IMMP2L: variants seen among roughly 807,000 people sequenced by gnomAD.
The protein encoded by IMMP2L is mitochondrial inner membrane protease subunit 2.
In IMMP2L, 18 loss-of-function variants were observed where a neutral mutation model predicts 19.3. That is an observed-to-expected ratio of 0.93 (90% confidence interval 0.64 to 1.38). The LOEUF is 1.38. Ranked by LOEUF, IMMP2L falls within the 40% of genes most tolerant of loss-of-function variation. The pLI, the probability that IMMP2L is intolerant of heterozygous loss-of-function variation, is 0.00. For missense variants in IMMP2L, 233 were observed against 218.2 expected (o/e 1.07, Z -0.43); for synonymous variants, 76 against 73.0 (o/e 1.04, Z -0.21).
chr7:111,021,290 A>C (rs1236366397), intron 3 of IMMP2L, among the ~76,000 whole-genome samples: 2 of 152,196 alleles, frequency 1.3e-5, no homozygotes, highest in Non-Finnish European at 2.9e-5. Context: ...TCTATTTAGC[A>C]AATATTTATT....
rs1226597975 is a variant in IMMP2L at position 111,226,151 on chromosome 7, T to C, written c.239+261087A>G. 2.0e-5 allele frequency among the ~76,000 whole-genome samples: 3 copies of C among 152,012 alleles called. No individual in the cohort carries two copies. In the East Asian group the frequency reaches 5.8e-4, roughly 29 times the overall value. Reference sequence around the variant, plus strand: ...CTGTCACTCCCTAATTGATTACTCCTTTTTTTGTTTTGTTTTGTTTTCTGA... The same window carrying C: ...CTGTCACTCCCTAATTGATTACTCCCTTTTTTGTTTTGTTTTGTTTTCTGA... On this transcript the variant is annotated intron_variant, in intron 3 of 5. Coordinates refer to ENST00000405709, the MANE Select transcript of IMMP2L (RefSeq NM_032549.4).
chr7:111,304,177 A>C (rs959697536), intron 3 of IMMP2L, among the ~76,000 whole-genome samples: 4 of 152,096 alleles, frequency 2.6e-5, no homozygotes, highest in African/African-American at 9.7e-5. Flanking sequence ...ATTATCATGA[A>C]TTAAACTAAT....
At chr7:111,290,348 G>A (rs2129640377) in intron 3 of IMMP2L, among the ~76,000 whole-genome samples, 1 of 152,174 alleles carries the variant, frequency 6.6e-6, no homozygotes, top group East Asian at 1.9e-4. Flanking sequence ...GAAAAATTAG[G>A]AGAAATATTC....
intron 5 of IMMP2L, among the ~76,000 whole-genome samples, chr7:110,786,597 A>C (rs1485276499): frequency 6.6e-6 from 1 of 152,152 alleles, no homozygotes; most frequent in African/African-American, 2.4e-5. Flanking sequence ...TAAACCTAAC[A>C]CTAAGTATGA....
intron 2 of IMMP2L, among the ~76,000 whole-genome samples, chr7:111,492,080 A>G (rs1411026189): frequency 6.6e-6 from 1 of 152,036 alleles, no homozygotes; most frequent in African/African-American, 2.4e-5. Context: ...TTAAATATGC[A>G]TTATAATCAC....
At chr7:111,319,555 T>C (rs1311451953) in intron 3 of IMMP2L, among the ~76,000 whole-genome samples, 1 of 152,098 alleles carries the variant, frequency 6.6e-6, no homozygotes, top group Non-Finnish European at 1.5e-5. Context: ...ATTTTCATCA[T>C]TCAAAATTTT....
intron 5 of IMMP2L, among the ~76,000 whole-genome samples, chr7:110,742,301 T>C (rs1797036659): frequency 6.6e-6 from 1 of 152,158 alleles, no homozygotes; most frequent in African/African-American, 2.4e-5. Flanking sequence ...AAAATGTTTA[T>C]ATATCGTAAG....
intron 5 of IMMP2L, among the ~76,000 whole-genome samples, chr7:110,684,964 G>T (rs906425714): frequency 2.6e-5 from 4 of 151,894 alleles, no homozygotes; most frequent in African/African-American, 9.7e-5. Flanking sequence ...TCCTTCAAGT[G>T]ATTTTTAATT....
chr7:111,357,869 TG>T, intron 3 of IMMP2L, among the ~76,000 whole-genome samples: 1 of 152,046 alleles, frequency 6.6e-6, no homozygotes, highest in South Asian at 2.1e-4. Context: ...GCATGGAAAC[TG>T]AAAGTAACCC....
chr7:110,849,395 G>A (rs1464308508), intron 5 of IMMP2L, among the ~76,000 whole-genome samples: 2 of 151,954 alleles, frequency 1.3e-5, no homozygotes, highest in Non-Finnish European at 2.9e-5. Context: ...GAAATCAAAA[G>A]TCAAATTACA....
At chr7:111,057,169 C>T (rs1793590627) in intron 3 of IMMP2L, among the ~76,000 whole-genome samples, 1 of 152,186 alleles carries the variant, frequency 6.6e-6, no homozygotes, top group African/African-American at 2.4e-5. Flanking sequence ...CATACTCTCT[C>T]CTTCTCTGCA....
intron 3 of IMMP2L, among the ~76,000 whole-genome samples, chr7:111,397,228 G>A (rs926279750): frequency 6.6e-6 from 1 of 151,922 alleles, no homozygotes; most frequent in Non-Finnish European, 1.5e-5. Flanking sequence ...TGGAATTATA[G>A]TATACATCAT....
intron 5 of IMMP2L, among the ~76,000 whole-genome samples, chr7:110,765,393 G>C (rs1181897488): frequency 6.6e-6 from 1 of 152,122 alleles, no homozygotes. Flanking sequence ...TGCAAAAATT[G>C]TGGCTGGGCT....
intron 5 of IMMP2L, among the ~76,000 whole-genome samples, chr7:110,860,999 T>C (rs1380437886): frequency 7.2e-6 from 1 of 139,290 alleles, no homozygotes; most frequent in African/African-American, 2.8e-5. Flanking sequence ...ATTAAAAAAA[T>C]TAAAAATTCC....
At chr7:111,515,855 C>T (rs1395939894) in intron 2 of IMMP2L, among the ~76,000 whole-genome samples, 2 of 152,052 alleles carry the variant, frequency 1.3e-5, no homozygotes, top group East Asian at 3.9e-4. Context: ...AAATGTACTA[C>T]AGAATCATAC....
chr7:110,904,278 T>A (rs1812225769), intron 4 of IMMP2L, among the ~76,000 whole-genome samples: 1 of 152,222 alleles, frequency 6.6e-6, no homozygotes, highest in Admixed American at 6.5e-5. Flanking sequence ...CGTTTATTTT[T>A]GTTTTCATTG....
chr7:110,946,846 G>A (rs1033620875), intron 4 of IMMP2L, among the ~76,000 whole-genome samples: 3 of 146,114 alleles, frequency 2.1e-5, no homozygotes, highest in Non-Finnish European at 4.5e-5. Context: ...TCAGCCTCCC[G>A]AGTAGCTGGG....
At chr7:111,445,610 T>G (rs182558049) in intron 3 of IMMP2L, among the ~76,000 whole-genome samples, 4 of 152,194 alleles carry the variant, frequency 2.6e-5, no homozygotes, top group Admixed American at 2.6e-4. Context: ...TATTCTAACG[T>G]TCTAGGTTTC....
chr7:111,317,146 G>C lies in IMMP2L; in HGVS notation c.239+170092C>G, dbSNP rs369316601. Among the ~76,000 whole-genome samples the C allele has an allele frequency of 2.0e-4, 31 of 152,096 alleles. No homozygotes were observed. In the South Asian group the frequency reaches 6.2e-3, roughly 31 times the overall value. Reference sequence around the variant, plus strand: ...TGCAGGCATGATTTTTGGCTCGTTTGTACAGACATGAAAGTGTCTCAACGT... The same window carrying C: ...TGCAGGCATGATTTTTGGCTCGTTTCTACAGACATGAAAGTGTCTCAACGT... On this transcript the variant is annotated intron_variant, in intron 3 of 5. Coordinates refer to ENST00000405709, the MANE Select transcript of IMMP2L (RefSeq NM_032549.4).
Sources: gnomAD v4.1 joint callset for allele counts (sites outside exome capture counted in the v4.1 genomes callset) on GRCh38, gnomAD v4.1.1 for gene constraint, MANE v1.5 for transcripts, NCBI Gene and HGNC (gene_info 2026-07-23, HGNC 2026-07-21) for gene names.